The following CNNM2 variants were observed in gnomAD, a reference collection of about 807,000 sequenced individuals.
The protein encoded by CNNM2 is metal transporter CNNM2.
Under a neutral mutation model 66.9 loss-of-function variants are expected in CNNM2, and 12 were observed. The ratio of observed to expected loss-of-function variants is 0.18; its 90% CI spans 0.11 to 0.29. The LOEUF (loss-of-function observed/expected upper bound fraction) is 0.29. Ranked by LOEUF, CNNM2 falls within the 10% of genes least tolerant of loss-of-function variation. The probability of loss-of-function intolerance (pLI) is 1.00; values close to 1 mark genes in which losing one functional copy is unlikely to be tolerated. For synonymous variants in CNNM2, 557 were observed against 501.8 expected (o/e 1.11, Z -1.47); for missense variants, 705 against 1,167.7 (o/e 0.60, Z 5.77).
intron 1 of CNNM2, among the ~76,000 whole-genome samples, chr10:102,964,147 T>C (rs1327727722): frequency 6.6e-6 from 1 of 152,200 alleles, no homozygotes; most frequent in African/African-American, 2.4e-5. Context: ...CTACCAACTT[T>C]AATGAAATGT....
chr10:102,962,149 A>T (rs908905640), intron 1 of CNNM2, among the ~76,000 whole-genome samples: 1 of 152,116 alleles, frequency 6.6e-6, no homozygotes, highest in African/African-American at 2.4e-5. Context: ...GGGGAACAAC[A>T]CACACTGGGG....
chr10:102,931,294 C>G (rs1846053854), intron 1 of CNNM2, among the ~76,000 whole-genome samples: 1 of 151,792 alleles, frequency 6.6e-6, no homozygotes, highest in South Asian at 2.1e-4. Context: ...CTCAGAAGCC[C>G]TTCTGTTAGG....
chr10:103,064,888 G>GA (rs1237304166), intron 4 of CNNM2, among the ~76,000 whole-genome samples: 9 of 150,896 alleles, frequency 6.0e-5, no homozygotes, highest in Admixed American at 2.6e-4. Flanking sequence ...CCATCTTTAT[G>GA]AAAAAAAAAT....
At chr10:102,981,140 G>A (rs369500610) in intron 1 of CNNM2, among the ~76,000 whole-genome samples, 1 of 151,924 alleles carries the variant, frequency 6.6e-6, no homozygotes, top group Admixed American at 6.6e-5. Flanking sequence ...TTGAGTCCAG[G>A]ACTTCAGACC....
rs2065796151 is a variant in CNNM2, at chr10:103,085,431, A to G, written c.*8251A>G. 1 of 152,206 alleles carries G rather than the reference A, an allele frequency of 6.6e-6. No individual in the cohort carries two copies. The highest frequency in any genetic ancestry group is 1.5e-5 in the Non-Finnish European group (1 of 68,038). 9.4% of individuals were successfully genotyped at this position (152,206 alleles called of 1,614,324 possible). ...GCAAATCTTCTTTCCAAGTATCTCA[A>G]GAACTTGTGAGACGTGGAAGGACTA... On this transcript the variant is annotated 3_prime_UTR_variant, in exon 8 of 8. Transcript: ENST00000369878.
At position 103,058,125 on chromosome 10, in the gene CNNM2, T is replaced by G. The variant is rs147254814; in HGVS notation, c.2073+1161T>G. Reference sequence around the variant, plus strand: ...AGGAAAATGCCGAGGGTTAGCTGATTACATGTCACATTCTTACAGTCCTTC... The same window carrying G: ...AGGAAAATGCCGAGGGTTAGCTGATGACATGTCACATTCTTACAGTCCTTC... On this transcript the variant is annotated intron_variant, in intron 4 of 7. Coordinates refer to ENST00000369878, the MANE Select transcript of CNNM2 (RefSeq NM_017649.5). Among the ~76,000 whole-genome samples, 985 of 152,334 alleles carry G rather than the reference T, an allele frequency of 6.5e-3. 9 individuals are homozygous for G. The highest frequency in any genetic ancestry group is 0.022 in the African/African-American group (910 of 41,566).
intron 1 of CNNM2, among the ~76,000 whole-genome samples, chr10:103,005,042 A>G (rs1435740715): frequency 6.6e-6 from 1 of 151,790 alleles, no homozygotes; most frequent in Non-Finnish European, 1.5e-5. Context: ...CCTCCCGAGT[A>G]GCTGGGATTA....
At chr10:103,018,687 T>TTTTTTC in intron 1 of CNNM2, among the ~76,000 whole-genome samples, 1 of 53,398 alleles carries the variant, frequency 1.9e-5, no homozygotes, top group Non-Finnish European at 4.3e-5. Context: ...TCTTCTTTCC[T>TTTTTTC]TTTTTTTTTT....
At chr10:103,011,981 A>G (rs1207037002) in intron 1 of CNNM2, among the ~76,000 whole-genome samples, 2 of 152,124 alleles carry the variant, frequency 1.3e-5, no homozygotes, top group Non-Finnish European at 2.9e-5. Context: ...GTGAGCCACC[A>G]TGCCCAGCCT....
At chr10:102,985,355 A>T (rs1349395035) in intron 1 of CNNM2, among the ~76,000 whole-genome samples, 1 of 152,160 alleles carries the variant, frequency 6.6e-6, no homozygotes, top group East Asian at 1.9e-4. Context: ...AGAATTTTAA[A>T]ATTTTAAAAT....
intron 1 of CNNM2, among the ~76,000 whole-genome samples, chr10:103,010,265 T>C (rs560800616): frequency 6.6e-6 from 1 of 151,954 alleles, no homozygotes; most frequent in Non-Finnish European, 1.5e-5. Flanking sequence ...GGAGACAGAG[T>C]TTCACCCTGT....
Position 102,930,786 on chromosome 10 carries a change from A to T in CNNM2, c.1621+10685A>T, listed in dbSNP as rs1393483675. On this transcript the variant is annotated intron_variant, in intron 1 of 7. Coordinates refer to ENST00000369878, the MANE Select transcript of CNNM2 (RefSeq NM_017649.5). ...GCTTATTCTGGACATTTCATATAAC[A>T]TGTAAATGAAATGTGGCCTTTTGTG... Among the ~76,000 whole-genome samples, 6 of 152,216 alleles carry T rather than the reference A, an allele frequency of 3.9e-5. No individual in the cohort carries two copies. The South Asian group carries it at 8.3e-4, about 21-fold the overall frequency.
rs193183702 is a variant in CNNM2 at position 102,960,678 on chromosome 10, C to T, written c.1621+40577C>T. Among the ~76,000 whole-genome samples, 16 of 151,296 alleles carry T rather than the reference C, an allele frequency of 1.1e-4. No individual in the cohort carries two copies. In the South Asian group the frequency reaches 2.3e-3, roughly 22 times the overall value. ...TGTTGCCTATGCTGGAGTGCAGTGG[C>T]GTGTGATCATGGCTCACTGTGGCCT... is the stretch of plus-strand genomic sequence containing the variant. On this transcript the variant is annotated intron_variant, in intron 1 of 7. Transcript: ENST00000369878.
intron 1 of CNNM2, among the ~76,000 whole-genome samples, chr10:103,008,078 A>G (rs546135962): frequency 1.3e-5 from 2 of 152,188 alleles, no homozygotes; most frequent in Non-Finnish European, 2.9e-5. Context: ...CCCACTGAGT[A>G]GAGTTTGTGT....
At chr10:103,069,289 A>G (rs1490453612) in intron 5 of CNNM2, among the ~76,000 whole-genome samples, 4 of 151,746 alleles carry the variant, frequency 2.6e-5, no homozygotes, top group Non-Finnish European at 4.4e-5. Flanking sequence ...ATTCTTATAC[A>G]TGTCTTTGGG....
chr10:102,970,946 T>C (rs891633381), intron 1 of CNNM2, among the ~76,000 whole-genome samples: 3 of 152,032 alleles, frequency 2.0e-5, no homozygotes, highest in African/African-American at 7.3e-5. Context: ...ATCCCAACAC[T>C]TTGGGAGGCC....
chr10:103,033,361 T>C (rs2064867558), intron 1 of CNNM2, among the ~76,000 whole-genome samples: 1 of 151,862 alleles, frequency 6.6e-6, no homozygotes, highest in Non-Finnish European at 1.5e-5. Context: ...CTTAATTTTA[T>C]TGTATTTTTT....
At chr10:102,961,390 A>G (rs1447640409) in intron 1 of CNNM2, among the ~76,000 whole-genome samples, 1 of 152,236 alleles carries the variant, frequency 6.6e-6, no homozygotes, top group Non-Finnish European at 1.5e-5. Context: ...GAAGCTGAGA[A>G]TATGAAAAGA....
At chr10:103,003,105 CAT>C (rs1309656496) in intron 1 of CNNM2, among the ~76,000 whole-genome samples, 4 of 134,168 alleles carry the variant, frequency 3.0e-5, no homozygotes, top group African/African-American at 5.7e-5. Flanking sequence ...CATGCTATAA[CAT>C]GTGTGAATCT....
Sources: allele counts gnomAD v4.1 joint callset (sites outside exome capture counted in the v4.1 genomes callset), GRCh38; gene constraint gnomAD v4.1.1; transcripts MANE v1.5; gene names NCBI Gene and HGNC (gene_info 2026-07-23, HGNC 2026-07-21).